Variants in ERBIN observed in about 807,000 individuals in gnomAD.
ERBIN encodes erbb2 interacting protein.
Under a neutral mutation model 158.4 loss-of-function variants are expected in ERBIN, and 60 were observed. The ratio of observed to expected loss-of-function variants is 0.38; its 90% CI spans 0.31 to 0.47. The LOEUF (loss-of-function observed/expected upper bound fraction) is 0.47. Among genes scored for constraint, ERBIN ranks in the 20% least tolerant of loss-of-function variants. The probability of loss-of-function intolerance (pLI) is 0.99; values close to 1 mark genes in which losing one functional copy is unlikely to be tolerated. For missense variants in ERBIN, 1,610 were observed against 1,648.0 expected, an observed-to-expected ratio of 0.98 and a Z score of 0.40; for synonymous variants, 594 against 557.2, an observed-to-expected ratio of 1.07 and a Z score of -0.93.
intron 1 of ERBIN, among the ~76,000 whole-genome samples, chr5:65,982,760 A>G (rs1266880966): frequency 6.6e-6 from 1 of 152,244 alleles, no homozygotes; most frequent in Admixed American, 6.5e-5. Context: ...TTTGTAAGAC[A>G]ATAGTTTTGA....
chr5:66,023,673 ATT>A (rs145788640), intron 9 of ERBIN, among the ~76,000 whole-genome samples: 16 of 131,576 alleles, frequency 1.2e-4, no homozygotes, highest in Non-Finnish European at 1.1e-4. Flanking sequence ...AACTTTCTGA[ATT>A]TTTTTTTTTT....
chr5:66,008,528 A>G (rs1316973117), intron 4 of ERBIN, among the ~76,000 whole-genome samples: 1 of 152,228 alleles, frequency 6.6e-6, no homozygotes, highest in African/African-American at 2.4e-5. Context: ...ATAGGAATTA[A>G]ACACAATATT....
chr5:66,004,458 G>T (rs1753369607), intron 4 of ERBIN, among the ~76,000 whole-genome samples: 2 of 152,174 alleles, frequency 1.3e-5, no homozygotes. Context: ...CAGTACAGTG[G>T]TGCGATCTCA....
intron 1 of ERBIN, among the ~76,000 whole-genome samples, chr5:65,928,317 C>G (rs1248890608): frequency 6.6e-6 from 1 of 150,982 alleles, no homozygotes; most frequent in Admixed American, 6.6e-5. Context: ...CTAGCTTTAT[C>G]AAAGAATTTA....
chr5:66,058,464 A>C (rs970622733), intron 21 of ERBIN, among the ~76,000 whole-genome samples: 20 of 150,860 alleles, frequency 1.3e-4, no homozygotes, highest in African/African-American at 4.7e-4. Flanking sequence ...GGTTGCAAAA[A>C]TTTTCTCCCG....
chr5:65,962,238 A>G (rs1748004845), intron 1 of ERBIN, among the ~76,000 whole-genome samples: 2 of 152,232 alleles, frequency 1.3e-5, no homozygotes, highest in Non-Finnish European at 2.9e-5. Flanking sequence ...CCCAAAATGT[A>G]TATAAAATGT....
At chr5:66,049,312 AC>A (rs1192866797) in intron 19 of ERBIN, among the ~76,000 whole-genome samples, 1 of 151,472 alleles carries the variant, frequency 6.6e-6, no homozygotes, top group Non-Finnish European at 1.5e-5. Flanking sequence ...CCTTTCCCTC[AC>A]CCCTCCCCTC....
rs751336743 is a variant in ERBIN at position 65,934,604 on chromosome 5, C to T, written c.-58+7798C>T. Among the ~76,000 whole-genome samples, 13 of 152,214 alleles carry T rather than the reference C, an allele frequency of 8.5e-5. No individual in the cohort carries two copies. In the South Asian group the frequency reaches 1.5e-3, roughly 17 times the overall value. On this transcript the variant is annotated intron_variant, in intron 1 of 25. Coordinates refer to ENST00000284037, the MANE Select transcript of ERBIN (RefSeq NM_001253697.2). The stretch of plus-strand genomic sequence containing the variant: ...AAGTGATGCTGCATTCTTCTTATTA[C>T]GTCTTATCAGGTGGCAGGCAATTTC...
intron 21 of ERBIN, among the ~76,000 whole-genome samples, chr5:66,069,238 C>T (rs547427106): frequency 6.6e-4 from 100 of 152,168 alleles, no homozygotes; most frequent in Middle Eastern, 3.4e-3. Flanking sequence ...TGTAGTCAGC[C>T]CTTGTTTATG....
At chr5:65,972,982 C>G (rs538206977) in intron 1 of ERBIN, among the ~76,000 whole-genome samples, 14 of 151,320 alleles carry the variant, frequency 9.3e-5, no homozygotes, top group Non-Finnish European at 1.8e-4. Context: ...TATTTCTGTT[C>G]CTTCTGTTCA....
intron 1 of ERBIN, among the ~76,000 whole-genome samples, chr5:65,951,693 A>AATT (rs1237311427): frequency 6.6e-6 from 1 of 152,226 alleles, no homozygotes; most frequent in Non-Finnish European, 1.5e-5. Flanking sequence ...TGGTACTTAA[A>AATT]TATCTCCATT....
intron 1 of ERBIN, among the ~76,000 whole-genome samples, chr5:65,927,394 T>G (rs1742788788): frequency 2.0e-5 from 3 of 152,306 alleles, no homozygotes; most frequent in Middle Eastern, 3.4e-3. Context: ...GAGTAATATA[T>G]TTCTTTAGTT....
At position 66,075,230 on chromosome 5, in the gene ERBIN, G is replaced by A; in HGVS notation, c.3963G>A (p.Glu1321=). ...PRQGHELAKQ[E]IRVRVEKDPE... ...AAGGCCATGAACTGGCAAAACAAGA[G>A]GTAAGAATAATCAAGACTATTTGAA... Residue 1321 remains glutamate (E), a splice_region_variant and synonymous_variant, in exon 23 of 26, where the codon GAG becomes GAA. Transcript: ENST00000284037. 6.2e-7 allele frequency: 1 copy of A among 1,612,604 alleles called. No homozygotes were observed. Among genetic ancestry groups the A allele is most frequent in the South Asian group, 1.1e-5 (1 of 91,054 alleles).
chr5:65,932,965 T>TG (rs1419980521), intron 1 of ERBIN, among the ~76,000 whole-genome samples: 3 of 151,158 alleles, frequency 2.0e-5, no homozygotes, highest in Non-Finnish European at 4.4e-5. Flanking sequence ...TAATGTTTTA[T>TG]TTTTTTTTGT....
intron 1 of ERBIN, among the ~76,000 whole-genome samples, 156 bp downstream of exon 1, chr5:65,926,962 T>A (rs554483906): frequency 2.0e-5 from 3 of 152,014 alleles, no homozygotes; most frequent in Admixed American, 6.5e-5. Context: ...GGCTAAATAA[T>A]CGAACTGCAC....
chr5:66,051,513 A>G lies in ERBIN; in HGVS notation c.2087+547A>G, dbSNP rs565540352. ...TGTTGGCAGTGGGTTTGAAAAGAAA[A>G]AAAAAGAAGAAATTTGGTTATCAGA... is the stretch of plus-strand genomic sequence containing the variant. On this transcript the variant is annotated intron_variant, in intron 20 of 25. Coordinates refer to ENST00000284037, the MANE Select transcript of ERBIN (RefSeq NM_001253697.2). Among the ~76,000 whole-genome samples the G allele has an allele frequency of 3.3e-4, 51 of 152,290 alleles. 3 individuals are homozygous for G. The highest frequency in any genetic ancestry group is 1.0e-3 in the African/African-American group (43 of 41,550).
chr5:65,977,332 C>A (rs1225336118), intron 1 of ERBIN, among the ~76,000 whole-genome samples: 1 of 103,094 alleles, frequency 9.7e-6, no homozygotes, highest in African/African-American at 3.7e-5. Context: ...AGGTGGCTGC[C>A]GGGCGGAGAT....
chr5:66,001,000 A>G (rs531246331), intron 4 of ERBIN, among the ~76,000 whole-genome samples: 52 of 152,138 alleles, frequency 3.4e-4, no homozygotes, highest in Admixed American at 3.2e-3. Context: ...GTATAGGTCT[A>G]TTGTGTTGAA....
intron 4 of ERBIN, among the ~76,000 whole-genome samples, chr5:65,997,318 C>T (rs1415895869): frequency 6.6e-6 from 1 of 151,980 alleles, no homozygotes; most frequent in African/African-American, 2.4e-5. Context: ...TATGAAAGGA[C>T]GTTGAATTTT....
Sources: gnomAD v4.1 joint callset for allele counts (sites outside exome capture counted in the v4.1 genomes callset) on GRCh38, gnomAD v4.1.1 for gene constraint, MANE v1.5 for transcripts, NCBI Gene and HGNC (gene_info 2026-07-23, HGNC 2026-07-21) for gene names.